The following ATP2B4 variants were observed in gnomAD, a reference collection of about 807,000 sequenced individuals.
ATP2B4 encodes the protein ATPase plasma membrane Ca2+ transporting 4.
A neutral mutation model predicts 110.3 loss-of-function variants in ATP2B4; 39 were observed. That is an observed-to-expected ratio of 0.35 (90% confidence interval 0.27 to 0.46). The LOEUF (loss-of-function observed/expected upper bound fraction) is 0.46, where lower values mean the gene tolerates loss of function less well. Among genes scored for constraint, ATP2B4 ranks in the 20% least tolerant of loss-of-function variants. The pLI, the probability that ATP2B4 is intolerant of heterozygous loss-of-function variation, is 1.00. For synonymous variants in ATP2B4, 538 were observed against 571.7 expected, an observed-to-expected ratio of 0.94 and a Z score of 0.84; for missense variants, 1,135 against 1,530.9, an observed-to-expected ratio of 0.74 and a Z score of 4.32.
At chr1:203,716,295 TCAAA>T (rs1666156914) in intron 15 of ATP2B4, among the ~76,000 whole-genome samples, 1 of 144,224 alleles carries the variant, frequency 6.9e-6, no homozygotes, top group African/African-American at 2.5e-5. Flanking sequence ...CCATGAGGAG[TCAAA>T]CAGAGTCCAT....
chr1:203,714,828 TTTATGA>T (rs1179155947), intron 15 of ATP2B4, among the ~76,000 whole-genome samples: 9 of 152,146 alleles, frequency 5.9e-5, no homozygotes, highest in African/African-American at 2.2e-4. Context: ...ACTCAAGTAG[TTTATGA>T]TTATAAGCCT....
chr1:203,721,083 T>G, intron 16 of ATP2B4, 114 bp from the exon 17 acceptor site: 1 of 1,102,660 alleles, frequency 9.1e-7, no homozygotes, highest in Non-Finnish European at 1.3e-6. Context: ...GTCACTCAGC[T>G]AGGAAGTGGC....
At chr1:203,704,777 G>A (rs1211268159) in intron 8 of ATP2B4, among the ~76,000 whole-genome samples, 3 of 152,112 alleles carry the variant, frequency 2.0e-5, no homozygotes, top group Non-Finnish European at 2.9e-5. Flanking sequence ...ACCGCACCCT[G>A]CCAGAGAGTA....
chr1:203,633,353 G>A (rs1663333819), intron 1 of ATP2B4, among the ~76,000 whole-genome samples: 1 of 152,202 alleles, frequency 6.6e-6, no homozygotes, highest in Non-Finnish European at 1.5e-5. Flanking sequence ...CTACCACACT[G>A]GGAGGCCAGG....
rs925774136 is a variant in ATP2B4, at chr1:203,629,291, C to G, written c.-465+2072C>G. ...TGGAGGGAGGGGATCCATTTCTATA[C>G]TCCTCCTCGGGAGTCCCATCCTCCC... On this transcript the variant is annotated intron_variant, in intron 1 of 20. Coordinates refer to ENST00000357681, the MANE Select transcript of ATP2B4 (RefSeq NM_001684.5). The surrounding 1 kb of genome is among the most constrained non-coding windows in gnomAD (Gnocchi z 4.6). Among the ~76,000 whole-genome samples, 5 of 152,216 alleles carry G rather than the reference C, an allele frequency of 3.3e-5. No homozygotes were observed. Among genetic ancestry groups the G allele is most frequent in the Non-Finnish European group, 4.4e-5 (3 of 68,042 alleles).
At chr1:203,660,071 G>T (rs1664287961) in intron 1 of ATP2B4, among the ~76,000 whole-genome samples, 1 of 144,954 alleles carries the variant, frequency 6.9e-6, no homozygotes. Context: ...GGCAGAGCAA[G>T]ACTCCATCTC....
chr1:203,628,365 A>G (rs934388927), intron 1 of ATP2B4, among the ~76,000 whole-genome samples: 1 of 152,076 alleles, frequency 6.6e-6, no homozygotes, highest in Non-Finnish European at 1.5e-5. Context: ...GGCCAGCCGC[A>G]TCTTGGGAGG....
chr1:203,707,691 G>A lies in ATP2B4; in HGVS notation c.1315-171G>A, dbSNP rs190726459. Among the ~76,000 whole-genome samples, 6 of 152,158 alleles carry A rather than the reference G, an allele frequency of 3.9e-5. No individual in the cohort carries two copies. The East Asian group carries it at 5.8e-4, about 15-fold the overall frequency. On this transcript the variant is annotated intron_variant, in intron 9 of 20. Coordinates refer to ENST00000357681, the MANE Select transcript of ATP2B4 (RefSeq NM_001684.5). ...GGTGATCTGCCCGTCTCAGCCTCCCGAAGTACTGAAATTACAGGCATGAAT... is the reference window on the plus strand; with the variant it reads ...GGTGATCTGCCCGTCTCAGCCTCCCAAAGTACTGAAATTACAGGCATGAAT...
At chr1:203,647,411 C>T (rs963949257) in intron 1 of ATP2B4, among the ~76,000 whole-genome samples, 15 of 149,176 alleles carry the variant, frequency 1.0e-4, no homozygotes, top group African/African-American at 1.7e-4. Flanking sequence ...GCTCCAGCCT[C>T]GGCAATAGAG....
At chr1:203,665,325 C>G (rs1053770240) in intron 1 of ATP2B4, among the ~76,000 whole-genome samples, 1 of 152,232 alleles carries the variant, frequency 6.6e-6, no homozygotes, top group African/African-American at 2.4e-5. Context: ...GGGAGGCCCA[C>G]GCTGTGATGA....
rs1665868805 is a variant in ATP2B4, at chr1:203,707,052, C to T, written c.1143C>T (p.Tyr381=). 2 of 1,613,928 alleles carry T rather than the reference C, an allele frequency of 1.2e-6. No individual in the cohort carries two copies. Among genetic ancestry groups the T allele is most frequent in the Middle Eastern group, 1.6e-4 (1 of 6,084 alleles). Reference sequence around the variant, plus strand: ...TCACGGTTTTCATCCTGATTCTATACTTTGTGATTGACAACTTTGTGATAA... The same window carrying T: ...TCACGGTTTTCATCCTGATTCTATATTTTGTGATTGACAACTTTGTGATAA... ...SALTVFILIL[Y]FVIDNFVINR... Residue 381 remains tyrosine (Y), a synonymous_variant, in exon 9 of 21, where the codon TAC becomes TAT. Coordinates refer to ENST00000357681, the MANE Select transcript of ATP2B4 (RefSeq NM_001684.5).
chr1:203,671,183 T>C (rs905042968), intron 1 of ATP2B4, among the ~76,000 whole-genome samples: 22 of 152,236 alleles, frequency 1.4e-4, no homozygotes, highest in Admixed American at 1.4e-3. Flanking sequence ...TACTCACATG[T>C]TGTTTAGTGA....
chr1:203,704,208 A>G (rs760539657), intron 8 of ATP2B4, among the ~76,000 whole-genome samples: 11 of 152,212 alleles, frequency 7.2e-5, no homozygotes, highest in Admixed American at 6.5e-5. Context: ...TCTCTAGCAT[A>G]GGAGTAGGAT....
intron 1 of ATP2B4, among the ~76,000 whole-genome samples, chr1:203,666,575 A>T (rs1664510738): frequency 6.6e-6 from 1 of 152,152 alleles, no homozygotes. Context: ...CATTTAACAT[A>T]GTAGAAAGCT....
intron 18 of ATP2B4, among the ~76,000 whole-genome samples, chr1:203,723,459 T>TCTCTCTCTCTCTCC (rs1558052460): frequency 5.4e-5 from 7 of 128,684 alleles, no homozygotes; most frequent in Admixed American, 1.6e-4. Context: ...TCTCTCTCTC[T>TCTCTCTCTCTCTCC]CCCTCTGCCT....
rs1205659211 is a variant in ATP2B4 at position 203,743,654 on chromosome 1, TTTC to T, written c.*3809_*3811del. The T allele has an allele frequency of 3.9e-5, 6 of 152,590 alleles. No individual in the cohort carries two copies. The highest frequency in any genetic ancestry group is 9.7e-5 in the African/African-American group (4 of 41,438). The allele number at this position is 152,590 out of a possible 1,614,324, so 9.5% of individuals were successfully genotyped here. A position where few individuals can be genotyped will look rare whatever the true frequency, so the allele number is the denominator to read the frequency against. On this transcript the variant is annotated 3_prime_UTR_variant, in exon 21 of 21. Coordinates refer to ENST00000357681, the MANE Select transcript of ATP2B4 (RefSeq NM_001684.5). The stretch of plus-strand genomic sequence containing the variant: ...TTAGCACGCAGATAGGAATTTTGAG[TTTC>T]TTCTTCTTTTAGTAACTAGTATAAC...
intron 1 of ATP2B4, among the ~76,000 whole-genome samples, chr1:203,628,012 T>A (rs1663140508): frequency 6.6e-6 from 1 of 152,114 alleles, no homozygotes; most frequent in South Asian, 2.1e-4. Flanking sequence ...ACATCTCTGG[T>A]CCCAAAGGGG....
rs1558043501 is a variant in ATP2B4, at chr1:203,707,068, T to C, written c.1159T>C (p.Phe387Leu). 1 of 1,614,106 alleles carries C rather than the reference T, an allele frequency of 6.2e-7. No homozygotes were observed. The change falls in exon 9 of 21, where the codon TTT becomes CTT. Residue 387 changes from phenylalanine (F) to leucine (L), a missense_variant. Physicochemically the swap from Phe to Leu is conservative, Grantham distance 22. Coordinates refer to ENST00000357681, the MANE Select transcript of ATP2B4 (RefSeq NM_001684.5). ...GATTCTATACTTTGTGATTGACAAC[T>C]TTGTGATAAATCGCAGACCATGGCT... ...ILILYFVIDNFVINRRPWLPE... is the reference protein window; with the variant it reads ...ILILYFVIDNLVINRRPWLPE...
intron 9 of ATP2B4, 91 bp downstream of exon 9, chr1:203,707,314 A>G (rs1571746036): frequency 3.8e-6 from 5 of 1,318,958 alleles, no homozygotes; most frequent in East Asian, 2.3e-5. Flanking sequence ...AAGCCATTCT[A>G]TCATCTATAA....
Sources: allele counts gnomAD v4.1 joint callset (sites outside exome capture counted in the v4.1 genomes callset), GRCh38; gene constraint gnomAD v4.1.1; non-coding constraint Gnocchi (gnomAD v3.1); transcripts MANE v1.5; gene names NCBI Gene and HGNC (gene_info 2026-07-23, HGNC 2026-07-21).